The following TFEC variants were observed in gnomAD, a reference collection of about 807,000 sequenced individuals.
TFEC encodes class E basic helix-loop-helix protein 34.
Under a neutral mutation model 41.6 loss-of-function variants are expected in TFEC, and 31 were observed. The ratio of observed to expected loss-of-function variants is 0.74; its 90% CI spans 0.56 to 1.01. The LOEUF is 1.01. Among genes scored for constraint, TFEC ranks in the 50% least tolerant of loss-of-function variants. The pLI is 0.00. For synonymous variants in TFEC, 143 were observed against 140.6 expected (o/e 1.02, Z -0.12); for missense variants, 402 against 404.1 (o/e 0.99, Z 0.04).
intron 3 of TFEC, among the ~76,000 whole-genome samples, chr7:116,042,385 A>G (rs1322231638): frequency 6.6e-6 from 1 of 152,206 alleles, no homozygotes; most frequent in Non-Finnish European, 1.5e-5. Flanking sequence ...GATATTGACG[A>G]AAAGAGAAGT....
chr7:116,063,198 T>C (rs1796609860), intron 3 of TFEC, among the ~76,000 whole-genome samples: 1 of 152,214 alleles, frequency 6.6e-6, no homozygotes, highest in Non-Finnish European at 1.5e-5. Context: ...CTATATATTC[T>C]ATTTATATAA....
At chr7:116,010,326 A>G (rs1362158813) in intron 1 of TFEC, among the ~76,000 whole-genome samples, 1 of 152,214 alleles carries the variant, frequency 6.6e-6, no homozygotes, top group Non-Finnish European at 1.5e-5. Flanking sequence ...AATGAGGGTC[A>G]TGTGGTGAGG....
chr7:115,938,764 T>C lies in TFEC; in HGVS notation c.*1787A>G, dbSNP rs1793349172. 6.6e-6 allele frequency: 1 copy of C among 151,886 alleles called. No homozygotes were observed. The highest frequency in any genetic ancestry group is 1.5e-5 in the Non-Finnish European group (1 of 67,910). The allele number at this position is 151,886 out of a possible 1,614,324, so 9.4% of individuals were successfully genotyped here. A position where few individuals can be genotyped will look rare whatever the true frequency, so the allele number is the denominator to read the frequency against. On this transcript the variant is annotated 3_prime_UTR_variant, in exon 8 of 8. Coordinates refer to ENST00000265440, the MANE Select transcript of TFEC (RefSeq NM_012252.4). ...TTACATCTCACTCATTAGTAATATA[T>C]ATTTTAGTTTTTAGCATCCTCCCTG...
At chr7:116,125,777 G>A in intron 1 of TFEC, among the ~76,000 whole-genome samples, 1 of 152,154 alleles carries the variant, frequency 6.6e-6, no homozygotes, top group East Asian at 1.9e-4. Context: ...GTGCCTCCGG[G>A]GATTGGACAA....
At chr7:115,975,230 C>G (rs753026971) in intron 2 of TFEC, among the ~76,000 whole-genome samples, 1 of 152,052 alleles carries the variant, frequency 6.6e-6, no homozygotes, top group Non-Finnish European at 1.5e-5. Flanking sequence ...CTCTCTCTCT[C>G]TCTTTCTCTC....
chr7:116,069,952 A>C (rs1030303392), intron 3 of TFEC, among the ~76,000 whole-genome samples: 4 of 151,630 alleles, frequency 2.6e-5, no homozygotes, highest in African/African-American at 9.7e-5. Flanking sequence ...TTTTAAAACA[A>C]TATGAACATA....
chr7:116,128,316 G>A (rs894603810), intron 1 of TFEC, among the ~76,000 whole-genome samples: 4 of 152,100 alleles, frequency 2.6e-5, no homozygotes, highest in African/African-American at 9.7e-5. Context: ...AGAAGACAAT[G>A]AAGTAGTAAT....
chr7:116,049,571 G>A (rs1030334485), intron 3 of TFEC, among the ~76,000 whole-genome samples: 11 of 152,136 alleles, frequency 7.2e-5, no homozygotes, highest in African/African-American at 1.2e-4. Flanking sequence ...ACAGATCAAC[G>A]GGACAGAAAG....
At chr7:115,996,810 C>G (rs1010678676) in intron 1 of TFEC, among the ~76,000 whole-genome samples, 1 of 152,054 alleles carries the variant, frequency 6.6e-6, no homozygotes, top group Admixed American at 6.5e-5. Flanking sequence ...GTACTCACCA[C>G]AGGCCTGGGG....
chr7:116,025,999 C>G (rs892004511), intron 1 of TFEC, among the ~76,000 whole-genome samples: 6 of 152,210 alleles, frequency 3.9e-5, no homozygotes, highest in Non-Finnish European at 5.9e-5. Context: ...CTTTCACCCT[C>G]TAATGTGTCT....
intron 3 of TFEC, among the ~76,000 whole-genome samples, chr7:116,048,931 T>G (rs569046226): frequency 3.5e-4 from 54 of 152,262 alleles, no homozygotes; most frequent in African/African-American, 1.3e-3. Context: ...AAACAAATGC[T>G]GAGAGATTTT....
At chr7:116,156,275 C>A (rs1165144392) in intron 1 of TFEC, among the ~76,000 whole-genome samples, 1 of 152,120 alleles carries the variant, frequency 6.6e-6, no homozygotes, top group African/African-American at 2.4e-5. Flanking sequence ...ATTCTTGGAG[C>A]AAAGCATGGA....
intron 1 of TFEC, among the ~76,000 whole-genome samples, chr7:116,127,789 T>C (rs1198056183): frequency 6.6e-6 from 1 of 152,022 alleles, no homozygotes; most frequent in East Asian, 1.9e-4. Flanking sequence ...TATTTCTAAG[T>C]AATGGCTTGT....
At position 115,938,629 on chromosome 7, in the gene TFEC, T is replaced by C. The variant is rs902442379; in HGVS notation, c.*1922A>G. ...ATACCATAATGATTTACTATTTTTC[T>C]ACTTTTATCAGCATTAGGGTCTCAC... On this transcript the variant is annotated 3_prime_UTR_variant, in exon 8 of 8. Coordinates refer to ENST00000265440, the MANE Select transcript of TFEC (RefSeq NM_012252.4). 1 of 151,956 alleles carries C rather than the reference T, an allele frequency of 6.6e-6. No individual in the cohort carries two copies. The highest frequency in any genetic ancestry group is 1.5e-5 in the Non-Finnish European group (1 of 67,912). The allele number at this position is 151,956 out of a possible 1,614,324, so 9.4% of individuals were successfully genotyped here.
chr7:115,963,797 A>T (rs1792696514), intron 3 of TFEC, among the ~76,000 whole-genome samples: 1 of 151,652 alleles, frequency 6.6e-6, no homozygotes, highest in African/African-American at 2.4e-5. Context: ...ATGAGTACAG[A>T]GTTTTTGTTT....
intron 1 of TFEC, among the ~76,000 whole-genome samples, chr7:116,156,443 T>C (rs993035350): frequency 6.6e-6 from 1 of 152,112 alleles, no homozygotes; most frequent in African/African-American, 2.4e-5. Context: ...CAAACCACAA[T>C]TAGCAAAAGA....
chr7:115,948,935 T>A (rs1394162569), intron 6 of TFEC, among the ~76,000 whole-genome samples: 19 of 151,728 alleles, frequency 1.3e-4, no homozygotes, highest in Admixed American at 1.1e-3. Context: ...GACATGATTG[T>A]ATATGTAGAA....
intron 1 of TFEC, among the ~76,000 whole-genome samples, chr7:116,115,673 T>C (rs1208572367): frequency 4.6e-5 from 7 of 152,038 alleles, no homozygotes; most frequent in East Asian, 1.9e-4. Flanking sequence ...TCTTTTGCCA[T>C]GTATAGTAAC....
upstream of TFEC, chr7:116,030,892 G>A: frequency 2.2e-6 from 2 of 900,588 alleles, no homozygotes; most frequent in Non-Finnish European, 2.7e-6. Flanking sequence ...TTCAAGTTAA[G>A]ACGACTTCCT....
Sources: gnomAD v4.1 joint callset for allele counts (sites outside exome capture counted in the v4.1 genomes callset) on GRCh38, gnomAD v4.1.1 for gene constraint, MANE v1.5 for transcripts, NCBI Gene and HGNC (gene_info 2026-07-23, HGNC 2026-07-21) for gene names.